Variants in CXCL11 observed in about 807,000 individuals in gnomAD.
CXCL11 encodes the protein C-X-C motif chemokine 11.
CXCL11 carries 7 observed loss-of-function variants against 9.7 expected under a neutral mutation model. The ratio of observed to expected loss-of-function variants is 0.72; its 90% CI spans 0.41 to 1.36. CXCL11 has a LOEUF of 1.36. Among genes scored for constraint, CXCL11 ranks in the 40% most tolerant of loss-of-function variants. The pLI is 0.01. For missense variants in CXCL11, 107 were observed against 113.4 expected, an observed-to-expected ratio of 0.94 and a Z score of 0.26; for synonymous variants, 35 against 34.4, an observed-to-expected ratio of 1.02 and a Z score of -0.06.
At chr4:76,035,782 C>G (rs1734335049) in intron 1 of CXCL11, 145 bp downstream of exon 1, 1 of 678,474 alleles carries the variant, frequency 1.5e-6, no homozygotes, top group Admixed American at 3.1e-5. Context: ...ACATGTCCAC[C>G]ATTTCTGTGC....
chr4:76,034,331 A>G lies in CXCL11; in HGVS notation c.*462T>C. 1 of 399,820 alleles carries G rather than the reference A, an allele frequency of 2.5e-6. No individual in the cohort carries two copies. Among genetic ancestry groups the G allele is most frequent in the East Asian group, 3.6e-5 (1 of 28,006 alleles). The allele number at this position is 399,820 out of a possible 1,614,324, so 24.8% of individuals were successfully genotyped here. On this transcript the variant is annotated 3_prime_UTR_variant, in exon 4 of 4. Transcript: ENST00000306621. Reference sequence around the variant, plus strand: ...GTCAATGTCTCCACCGTAACCACAGATAGTAATATAGCATAAAGATCAATA... The same window carrying G: ...GTCAATGTCTCCACCGTAACCACAGGTAGTAATATAGCATAAAGATCAATA...
rs1193120213 is a variant in CXCL11 at position 76,034,500 on chromosome 4, C to T, written c.*293G>A. ...GAACGTGAAAGCACTTTGTAAACTC[C>T]GATGGTAACCAGCCTTTCTTAAGGT... On this transcript the variant is annotated 3_prime_UTR_variant, in exon 4 of 4. Transcript: ENST00000306621. 7 of 517,932 alleles carry T rather than the reference C, an allele frequency of 1.4e-5. No individual in the cohort carries two copies. The highest frequency in any genetic ancestry group is 4.8e-4 in the Middle Eastern group (1 of 2,098). The allele number at this position is 517,932 out of a possible 1,614,324, so 32.1% of individuals were successfully genotyped here.
chr4:76,034,087 C>T lies in CXCL11; in HGVS notation c.*706G>A, dbSNP rs770327557. On this transcript the variant is annotated 3_prime_UTR_variant, in exon 4 of 4. Coordinates refer to ENST00000306621, the MANE Select transcript of CXCL11 (RefSeq NM_005409.5). ...GAAATATGTGCACTTTTGCCAGTAT[C>T]CCATAGCGTATAATTTTTTTCATAG... is the stretch of plus-strand genomic sequence containing the variant. The T allele has an allele frequency of 5.4e-6, 1 of 186,502 alleles. No homozygotes were observed. The highest frequency in any genetic ancestry group is 1.1e-5 in the Non-Finnish European group (1 of 91,576). The allele number at this position is 186,502 out of a possible 1,614,324, so 11.6% of individuals were successfully genotyped here. A position where few individuals can be genotyped will look rare whatever the true frequency, so the allele number is the denominator to read the frequency against.
At chr4:76,035,157 G>C (rs754217102) in intron 2 of CXCL11, 38 bp from the exon 3 acceptor site, 5 of 1,612,672 alleles carry the variant, frequency 3.1e-6, no homozygotes, top group Admixed American at 3.3e-5. Context: ...AAGTTTAGAT[G>C]CAAATACATA....
rs1033048986 is a variant in CXCL11 at position 76,036,066 on chromosome 4, T to C, written c.-79A>G. On this transcript the variant is annotated 5_prime_UTR_variant, in exon 1 of 4. Transcript: ENST00000306621. ...CTCTTCTTGGAAGGAGTAGAAATGCTGAACATGAAAGGAAATTGATAATTG... is the reference window on the plus strand; with the variant it reads ...CTCTTCTTGGAAGGAGTAGAAATGCCGAACATGAAAGGAAATTGATAATTG... 7.4e-6 allele frequency: 10 copies of C among 1,351,562 alleles called. No homozygotes were observed. Among genetic ancestry groups the C allele is most frequent in the Admixed American group, 5.4e-5 (3 of 55,766 alleles). The allele number at this position is 1,351,562 out of a possible 1,614,324, so 83.7% of individuals were successfully genotyped here.
rs781157998 is a variant in CXCL11, at chr4:76,034,328, C to T, written c.*465G>A. The T allele has an allele frequency of 5.0e-6, 2 of 399,446 alleles. No individual in the cohort carries two copies. Among genetic ancestry groups the T allele is most frequent in the Non-Finnish European group, 8.8e-6 (2 of 227,280 alleles). 24.7% of individuals were successfully genotyped at this position (399,446 alleles called of 1,614,324 possible). On this transcript the variant is annotated 3_prime_UTR_variant, in exon 4 of 4. Transcript: ENST00000306621. ...AATGTCAATGTCTCCACCGTAACCA[C>T]AGATAGTAATATAGCATAAAGATCA...
At position 76,035,466 on chromosome 4, in the gene CXCL11, C is replaced by G. The variant is rs573205922; in HGVS notation, c.62-124G>C. 1.2e-5 allele frequency: 11 copies of G among 910,784 alleles called. No individual in the cohort carries two copies. In the East Asian group the frequency reaches 2.9e-4, roughly 24 times the overall value. The allele number at this position is 910,784 out of a possible 1,614,324, so 56.4% of individuals were successfully genotyped here. On this transcript the variant is annotated intron_variant, in intron 1 of 3. Coordinates refer to ENST00000306621, the MANE Select transcript of CXCL11 (RefSeq NM_005409.5). The stretch of plus-strand genomic sequence containing the variant: ...GTAAAGATAGTAATTTGTCAAATAG[C>G]ACTTAACACAACTGTTACTGGGAAA...
In CXCL11 at chr4:76,033,733, T is replaced by C. The variant is rs1050969375; in HGVS notation, c.*1060A>G. On this transcript the variant is annotated 3_prime_UTR_variant, in exon 4 of 4. Transcript: ENST00000306621. ...AGTTTATTAGAGAAAAAAATGACTTTGATTCTTTAAACTAGTCTTGAGTAT... is the reference window on the plus strand; with the variant it reads ...AGTTTATTAGAGAAAAAAATGACTTCGATTCTTTAAACTAGTCTTGAGTAT... The C allele has an allele frequency of 6.6e-6, 1 of 152,212 alleles. No individual in the cohort carries two copies. The highest frequency in any genetic ancestry group is 2.4e-5 in the African/African-American group (1 of 41,460). 9.4% of individuals were successfully genotyped at this position (152,212 alleles called of 1,614,324 possible). A position where few individuals can be genotyped will look rare whatever the true frequency, so the allele number is the denominator to read the frequency against.
chr4:76,035,096 C>G lies in CXCL11; in HGVS notation c.212G>C (p.Gly71Ala). Residue 71 changes from glycine to alanine, a missense_variant, in exon 3 of 4, where the codon GGA (glycine) becomes GCA (alanine). Physicochemically the swap from Gly to Ala is moderately conservative, Grantham distance 60 (BLOSUM62 0). Coordinates refer to ENST00000306621, the MANE Select transcript of CXCL11 (RefSeq NM_005409.5). ...EVIITLKENK[G>A]QRCLNPKSKQ... ...CGATTTGGGATTTAGGCATCGTTGT[C>G]CTTTATTTTCTTTCAGGGTAATACT... is the stretch of plus-strand genomic sequence containing the variant. The G allele has an allele frequency of 6.2e-7, 1 of 1,613,480 alleles. No individual in the cohort carries two copies. The highest frequency in any genetic ancestry group is 8.5e-7 in the Non-Finnish European group (1 of 1,179,858).
rs749029946 is a variant in CXCL11, at chr4:76,035,927, C to A, written c.61G>T (p.Gly21Cys). Residue 21 changes from glycine (G) to cysteine (C), a missense_variant and splice_region_variant, in exon 1 of 4, where the codon GGC (glycine) becomes TGC (cysteine). Gly to Cys is a radical substitution (Grantham distance 159). Coordinates refer to ENST00000306621, the MANE Select transcript of CXCL11 (RefSeq NM_005409.5). The stretch of plus-strand genomic sequence containing the variant: ...TTGAGAAATAAAAATTACTGCATAC[C>A]TTGAACAACTGTAGCACACAATATC... Reference protein sequence around the residue: ...AVILCATVVQGFPMFKRGRCL... With the variant: ...AVILCATVVQCFPMFKRGRCL... 2.5e-6 allele frequency: 4 copies of A among 1,611,852 alleles called. No homozygotes were observed. In the East Asian group the frequency reaches 8.9e-5, roughly 36 times the overall value.
At position 76,035,961 on chromosome 4, in the gene CXCL11, G is replaced by A. The variant is rs201865900; in HGVS notation, c.27C>T (p.Ala9=). The A allele has an allele frequency of 6.2e-7, 1 of 1,613,818 alleles. No homozygotes were observed. MSVKGMAI[A]LAVILCATVV... ...CTGTAGCACACAATATCACAGCCAA[G>A]GCTATAGCCATGCCCTTCACACTCA... The change falls in exon 1 of 4, where the codon GCC becomes GCT. Residue 9 remains alanine (A), a synonymous_variant. Transcript: ENST00000306621.
In CXCL11 at chr4:76,035,124, T is replaced by C. The variant is rs1560586008; in HGVS notation, c.189-5A>G. 1 of 1,558,962 alleles carries C rather than the reference T, an allele frequency of 6.4e-7. No individual in the cohort carries two copies. Among genetic ancestry groups the C allele is most frequent in the South Asian group, 1.1e-5 (1 of 89,582 alleles). On this transcript the variant is annotated splice_polypyrimidine_tract_variant and splice_region_variant and intron_variant, in intron 2 of 3. Coordinates refer to ENST00000306621, the MANE Select transcript of CXCL11 (RefSeq NM_005409.5). ...TTATTTTCTTTCAGGGTAATACTGT[T>C]AAAAGAACATACAAGAGTCTTAAAG...
Position 76,034,716 on chromosome 4 carries a change from C to A in CXCL11, c.*77G>T. On this transcript the variant is annotated 3_prime_UTR_variant, in exon 4 of 4. Coordinates refer to ENST00000306621, the MANE Select transcript of CXCL11 (RefSeq NM_005409.5). ...CAGTTTCCTACTGTAGAATTCTTGT[C>A]ATTTCAGTAGTCACAGTTAAACTTG... The A allele has an allele frequency of 9.2e-7, 1 of 1,083,930 alleles. No homozygotes were observed. Among genetic ancestry groups the A allele is most frequent in the South Asian group, 1.4e-5 (1 of 72,038 alleles). The allele number at this position is 1,083,930 out of a possible 1,614,324, so 67.1% of individuals were successfully genotyped here.
chr4:76,035,891 G>A, intron 1 of CXCL11, 36 bp downstream of exon 1: 1 of 1,568,460 alleles, frequency 6.4e-7, no homozygotes, highest in South Asian at 1.1e-5. Flanking sequence ...ATTAGAAAAG[G>A]AACTTATAGG....
Position 76,034,471 on chromosome 4 carries a change from G to A in CXCL11, c.*322C>T. On this transcript the variant is annotated 3_prime_UTR_variant, in exon 4 of 4. Transcript: ENST00000306621. Reference sequence around the variant, plus strand: ...AATGCATGAATGTATAATGCAACAAGTAAGAACGTGAAAGCACTTTGTAAA... The same window carrying A: ...AATGCATGAATGTATAATGCAACAAATAAGAACGTGAAAGCACTTTGTAAA... 3.9e-6 allele frequency: 2 copies of A among 515,888 alleles called. No individual in the cohort carries two copies. The highest frequency in any genetic ancestry group is 6.7e-6 in the Non-Finnish European group (2 of 298,858). The allele number at this position is 515,888 out of a possible 1,614,324, so 32.0% of individuals were successfully genotyped here. A position where few individuals can be genotyped will look rare whatever the true frequency, so the allele number is the denominator to read the frequency against.
Position 76,034,434 on chromosome 4 carries a change from C to A in CXCL11, c.*359G>T. ...TTGTAAGCATCAAATCTAGAAGGTTCTCTAGCCTAGAAATGCATGAATGTA... is the reference window on the plus strand; with the variant it reads ...TTGTAAGCATCAAATCTAGAAGGTTATCTAGCCTAGAAATGCATGAATGTA... On this transcript the variant is annotated 3_prime_UTR_variant, in exon 4 of 4. Transcript: ENST00000306621. The A allele has an allele frequency of 2.1e-6, 1 of 482,240 alleles. No homozygotes were observed. The highest frequency in any genetic ancestry group is 4.0e-5 in the Admixed American group (1 of 24,730). The allele number at this position is 482,240 out of a possible 1,614,324, so 29.9% of individuals were successfully genotyped here. A position where few individuals can be genotyped will look rare whatever the true frequency, so the allele number is the denominator to read the frequency against.
rs1734167381 is a variant in CXCL11, at chr4:76,034,505, G to A, written c.*288C>T. On this transcript the variant is annotated 3_prime_UTR_variant, in exon 4 of 4. Coordinates refer to ENST00000306621, the MANE Select transcript of CXCL11 (RefSeq NM_005409.5). ...TGAAAGCACTTTGTAAACTCCGATGGTAACCAGCCTTTCTTAAGGTAGCTT... is the reference window on the plus strand; with the variant it reads ...TGAAAGCACTTTGTAAACTCCGATGATAACCAGCCTTTCTTAAGGTAGCTT... 4 of 519,998 alleles carry A rather than the reference G, an allele frequency of 7.7e-6. No individual in the cohort carries two copies. In the Admixed American group the frequency reaches 1.6e-4, roughly 20 times the overall value. The allele number at this position is 519,998 out of a possible 1,614,324, so 32.2% of individuals were successfully genotyped here. A position where few individuals can be genotyped will look rare whatever the true frequency, so the allele number is the denominator to read the frequency against.
In CXCL11 at chr4:76,036,015, C is replaced by CTGT; in HGVS notation, c.-29_-28insACA. ...TTGTTTTTTGCTGTTGCTGCTGGTG[C>CTGT]TGCTGCTGCTACTTCAGCTTTGCTG... On this transcript the variant is annotated 5_prime_UTR_variant, in exon 1 of 4. Transcript: ENST00000306621. The CTGT allele has an allele frequency of 2.5e-6, 4 of 1,605,240 alleles. No homozygotes were observed. Among genetic ancestry groups the CTGT allele is most frequent in the African/African-American group, 2.7e-5 (2 of 74,804 alleles).
chr4:76,034,728 C>A lies in CXCL11; in HGVS notation c.*65G>T. 1 of 1,183,094 alleles carries A rather than the reference C, an allele frequency of 8.5e-7. No homozygotes were observed. Among genetic ancestry groups the A allele is most frequent in the South Asian group, 1.3e-5 (1 of 75,734 alleles). The allele number at this position is 1,183,094 out of a possible 1,614,324, so 73.3% of individuals were successfully genotyped here. ...GTAGAATTCTTGTCATTTCAGTAGT[C>A]ACAGTTAAACTTGTTCTAGGTTTTT... On this transcript the variant is annotated 3_prime_UTR_variant, in exon 4 of 4. Coordinates refer to ENST00000306621, the MANE Select transcript of CXCL11 (RefSeq NM_005409.5).
Sources: gnomAD v4.1 joint callset for allele counts on GRCh38, gnomAD v4.1.1 for gene constraint, MANE v1.5 for transcripts, NCBI Gene and HGNC (gene_info 2026-07-23, HGNC 2026-07-21) for gene names.